The following CNBD1 variants were observed in gnomAD, a reference collection of about 807,000 sequenced individuals.
CNBD1 encodes cyclic nucleotide binding domain containing 1.
A neutral mutation model predicts 54.4 loss-of-function variants in CNBD1; 71 were observed. The observed-to-expected ratio is 1.30, with a 90% CI of 1.08 to 1.59. The LOEUF is 1.59. Among genes scored for constraint, CNBD1 ranks in the 40% most tolerant of loss-of-function variants. The probability of loss-of-function intolerance (pLI) is 0.00; values close to 1 mark genes in which losing one functional copy is unlikely to be tolerated. For synonymous variants in CNBD1, 182 were observed against 170.7 expected, an observed-to-expected ratio of 1.07 and a Z score of -0.51; for missense variants, 659 against 518.0, an observed-to-expected ratio of 1.27 and a Z score of -2.64.
chr8:86,887,512 T>A, intron 1 of CNBD1, 30 bp from the exon 2 acceptor site: 5 of 1,401,048 alleles, frequency 3.6e-6, no homozygotes, highest in Non-Finnish European at 4.9e-6. Flanking sequence ...TATGGAAAAT[T>A]ACTCAAATTT....
At chr8:87,216,537 T>A (rs1814215518) in intron 5 of CNBD1, among the ~76,000 whole-genome samples, 1 of 152,192 alleles carries the variant, frequency 6.6e-6, no homozygotes, top group African/African-American at 2.4e-5. Flanking sequence ...ATCTCTTATA[T>A]TAGAGTAACA....
At chr8:87,348,253 A>G (rs1342545839) in intron 8 of CNBD1, among the ~76,000 whole-genome samples, 1 of 152,164 alleles carries the variant, frequency 6.6e-6, no homozygotes, top group Non-Finnish European at 1.5e-5. Context: ...AGGGCTATAA[A>G]TGCTATCTAT....
intron 4 of CNBD1, among the ~76,000 whole-genome samples, chr8:87,010,951 G>C (rs979469156): frequency 6.6e-6 from 1 of 152,006 alleles, no homozygotes; most frequent in Non-Finnish European, 1.5e-5. Flanking sequence ...TAGTAAATTG[G>C]ACATTGAGTG....
chr8:87,060,644 G>A (rs1320178719), intron 4 of CNBD1, among the ~76,000 whole-genome samples: 1 of 152,076 alleles, frequency 6.6e-6, no homozygotes, highest in African/African-American at 2.4e-5. Flanking sequence ...TCAAATCTTA[G>A]TCCATTCTAA....
intron 5 of CNBD1, among the ~76,000 whole-genome samples, chr8:87,229,295 G>GT (rs1191957554): frequency 6.6e-6 from 1 of 151,732 alleles, no homozygotes; most frequent in African/African-American, 2.4e-5. Flanking sequence ...CTTAAATGCT[G>GT]GTTTTTTTTT....
intron 10 of CNBD1, among the ~76,000 whole-genome samples, chr8:87,368,922 C>A (rs1810700435): frequency 6.6e-6 from 1 of 151,840 alleles, no homozygotes; most frequent in Non-Finnish European, 1.5e-5. Flanking sequence ...CGGCTTCCCT[C>A]CCCTCCTTCT....
At chr8:87,360,994 G>T (rs1380921342) in intron 10 of CNBD1, among the ~76,000 whole-genome samples, 1 of 151,852 alleles carries the variant, frequency 6.6e-6, no homozygotes, top group African/African-American at 2.4e-5. Flanking sequence ...TCACCTTAAT[G>T]ATGAGATAAG....
intron 5 of CNBD1, among the ~76,000 whole-genome samples, chr8:87,223,392 TC>T (rs1009582224): frequency 3.5e-4 from 40 of 115,370 alleles, no homozygotes; most frequent in African/African-American, 1.3e-3. Flanking sequence ...CCCTCGCCCC[TC>T]CCCCGACCCC....
chr8:87,298,762 A>G (rs1176265698), intron 8 of CNBD1, among the ~76,000 whole-genome samples: 2 of 150,890 alleles, frequency 1.3e-5, no homozygotes, highest in Non-Finnish European at 3.0e-5. Context: ...GGGATTACAG[A>G]TGTGAGCCAC....
intron 10 of CNBD1, among the ~76,000 whole-genome samples, chr8:87,369,390 A>G (rs1480353247): frequency 2.0e-5 from 3 of 151,984 alleles, no homozygotes; most frequent in Non-Finnish European, 2.9e-5. Context: ...TTACCTATGT[A>G]ATTACCTCTG....
intron 4 of CNBD1, among the ~76,000 whole-genome samples, chr8:87,142,714 C>T (rs1812395555): frequency 6.6e-6 from 1 of 152,072 alleles, no homozygotes; most frequent in Admixed American, 6.6e-5. Flanking sequence ...TGCTTCAAAT[C>T]AATCATTAAT....
intron 2 of CNBD1, among the ~76,000 whole-genome samples, chr8:87,397,433 G>A (rs78809962): frequency 0.022 from 3,290 of 151,724 alleles, 135 homozygotes; most frequent in African/African-American, 0.075. Flanking sequence ...CATGATATTC[G>A]GGCACATTTT....
intron 4 of CNBD1, among the ~76,000 whole-genome samples, chr8:87,027,691 A>G (rs1183111069): frequency 1.3e-5 from 2 of 152,242 alleles, no homozygotes; most frequent in Non-Finnish European, 2.9e-5. Flanking sequence ...TTTTTAGTAT[A>G]GCAACATAAA....
chr8:87,361,940 A>G (rs1055262996), intron 10 of CNBD1, among the ~76,000 whole-genome samples: 1 of 152,086 alleles, frequency 6.6e-6, no homozygotes, highest in Non-Finnish European at 1.5e-5. Context: ...AAAATTATAA[A>G]TGTATACACT....
intron 5 of CNBD1, among the ~76,000 whole-genome samples, chr8:87,214,651 A>T (rs1814170204): frequency 6.6e-6 from 1 of 152,202 alleles, no homozygotes; most frequent in Admixed American, 6.5e-5. Flanking sequence ...GGTAATTTAT[A>T]AAAGAAAGAG....
In CNBD1 at chr8:87,324,871, TC is replaced by T. The variant is rs1313170573; in HGVS notation, c.1043-26813del. On this transcript the variant is annotated intron_variant, in intron 8 of 10. Coordinates refer to ENST00000518476, the MANE Select transcript of CNBD1 (RefSeq NM_173538.3). ...TTTTGAATGTGTTTGCTCTTGCTTTTCTAGTTCTTTTAATTGTGATATTAGG... is the reference window on the plus strand; with the variant it reads ...TTTTGAATGTGTTTGCTCTTGCTTTTTAGTTCTTTTAATTGTGATATTAGG... 9.9e-3 allele frequency among the ~76,000 whole-genome samples: 1,106 copies of T among 111,966 alleles called. 76 individuals carry two copies. The highest frequency in any genetic ancestry group is 0.04 in the African/African-American group (984 of 24,424). The allele number at this position is 111,966 out of a possible 152,430, so 73.5% of individuals were successfully genotyped here.
intron 4 of CNBD1, among the ~76,000 whole-genome samples, chr8:86,946,046 A>C (rs1410793684): frequency 6.6e-6 from 1 of 152,172 alleles, no homozygotes; most frequent in Non-Finnish European, 1.5e-5. Flanking sequence ...TTAGAATGTA[A>C]AGCCCCAAAC....
rs141660833 is a variant in CNBD1, at chr8:86,943,072, G to T, written c.431+3318G>T. 6.2e-3 allele frequency among the ~76,000 whole-genome samples: 936 copies of T among 150,942 alleles called. 21 individuals are homozygous for T. Among genetic ancestry groups the T allele is most frequent in the African/African-American group, 0.022 (890 of 41,116 alleles). The stretch of plus-strand genomic sequence containing the variant: ...AAAATTAAAAAAAAAAAAACATTTT[G>T]AGTCACAGTAACTTTTTAAATAAAT... On this transcript the variant is annotated intron_variant, in intron 4 of 10. Transcript: ENST00000518476.
At chr8:87,164,462 A>C (rs1812920553) in intron 4 of CNBD1, among the ~76,000 whole-genome samples, 1 of 151,438 alleles carries the variant, frequency 6.6e-6, no homozygotes, top group Non-Finnish European at 1.5e-5. Flanking sequence ...TACTGAGTCA[A>C]TTTCTTTACT....
Sources: gnomAD v4.1 joint callset for allele counts (sites outside exome capture counted in the v4.1 genomes callset) on GRCh38, gnomAD v4.1.1 for gene constraint, MANE v1.5 for transcripts, NCBI Gene and HGNC (gene_info 2026-07-23, HGNC 2026-07-21) for gene names.